Variants in SP100 observed in about 807,000 individuals in gnomAD.
The protein encoded by SP100 is SP100 nuclear body protein.
In SP100, 84 loss-of-function variants were observed where a neutral mutation model predicts 130.0. The ratio of observed to expected loss-of-function variants is 0.65; its 90% CI spans 0.54 to 0.77. The LOEUF (loss-of-function observed/expected upper bound fraction) is 0.77, where lower values mean the gene tolerates loss of function less well. SP100 is among the 30% of genes least tolerant of loss of function. The pLI is 0.00. For synonymous variants in SP100, 331 were observed against 351.7 expected (o/e 0.94, Z 0.66); for missense variants, 978 against 1,052.2 (o/e 0.93, Z 0.97).
intron 24 of SP100, among the ~76,000 whole-genome samples, chr2:230,536,304 T>G (rs1030233177): frequency 6.6e-6 from 1 of 152,176 alleles, no homozygotes; most frequent in African/African-American, 2.4e-5. Flanking sequence ...CCAGAAAGAT[T>G]GACAACCAGT....
intron 24 of SP100, among the ~76,000 whole-genome samples, chr2:230,533,076 C>T (rs886630643): frequency 3.3e-5 from 5 of 152,202 alleles, no homozygotes; most frequent in Non-Finnish European, 5.9e-5. Flanking sequence ...CCACCGTGCC[C>T]GGCCCTGATG....
At chr2:230,420,735 CAT>C (rs35528929) in intron 2 of SP100, among the ~76,000 whole-genome samples, 21 of 150,058 alleles carry the variant, frequency 1.4e-4, no homozygotes, top group Admixed American at 4.0e-4. Flanking sequence ...CAAAGTAAAA[CAT>C]ATATATATAT....
At chr2:230,516,425 T>G (rs1690918733) in intron 24 of SP100, 1 of 151,938 alleles carries the variant, frequency 6.6e-6, no homozygotes, top group Non-Finnish European at 1.5e-5. Flanking sequence ...TATAAGTAAC[T>G]TAAAAGAAAG....
At chr2:230,499,643 T>G (rs187370823) in intron 19 of SP100, among the ~76,000 whole-genome samples, 91 of 150,042 alleles carry the variant, frequency 6.1e-4, no homozygotes, top group African/African-American at 1.9e-3. Flanking sequence ...AAACACCCAG[T>G]ACAGCTCCCA....
intron 24 of SP100, among the ~76,000 whole-genome samples, chr2:230,521,702 T>A (rs978284050): frequency 7.2e-5 from 11 of 152,164 alleles, no homozygotes; most frequent in African/African-American, 2.7e-4. Context: ...ACAGTAAACA[T>A]GTTGCTTGTG....
intron 2 of SP100, among the ~76,000 whole-genome samples, chr2:230,433,978 C>A (rs2063173767): frequency 1.3e-5 from 2 of 150,222 alleles, no homozygotes; most frequent in South Asian, 2.2e-4. Flanking sequence ...TGTATTATTT[C>A]TTTTCTCTGA....
chr2:230,471,405 C>T (rs1479177), intron 15 of SP100, among the ~76,000 whole-genome samples: 35,618 of 152,128 alleles, frequency 0.23, 5,058 homozygotes, highest in Non-Finnish European at 0.33. Context: ...CTGGTTTCCT[C>T]GTCACTGTCT....
chr2:230,437,677 GC>G (rs576433680), intron 2 of SP100, among the ~76,000 whole-genome samples: 231 of 152,138 alleles, frequency 1.5e-3, no homozygotes, highest in African/African-American at 5.3e-3. Context: ...TCCTGCCTCA[GC>G]CTCCCGAGTA....
intron 19 of SP100, among the ~76,000 whole-genome samples, chr2:230,501,319 G>T (rs1017093153): frequency 6.6e-6 from 1 of 152,102 alleles, no homozygotes; most frequent in African/African-American, 2.4e-5. Context: ...TTTTATATGG[G>T]TTTAGTCATC....
intron 24 of SP100, among the ~76,000 whole-genome samples, chr2:230,536,648 T>A (rs1212659631): frequency 6.6e-6 from 1 of 152,164 alleles, no homozygotes; most frequent in Non-Finnish European, 1.5e-5. Flanking sequence ...CTTCCCTGAA[T>A]ATAGATACAT....
intron 24 of SP100, among the ~76,000 whole-genome samples, chr2:230,517,117 C>A (rs1575793995): frequency 6.6e-6 from 1 of 152,024 alleles, no homozygotes; most frequent in Non-Finnish European, 1.5e-5. Context: ...ATACAATTTA[C>A]CAAATCAGTC....
At chr2:230,484,799 G>A (rs183069245) in intron 17 of SP100, among the ~76,000 whole-genome samples, 10 of 152,120 alleles carry the variant, frequency 6.6e-5, no homozygotes, top group African/African-American at 2.4e-4. Context: ...CTTCCCTTGG[G>A]TTTTCCAGGT....
At chr2:230,435,128 G>C (rs76140934) in intron 2 of SP100, among the ~76,000 whole-genome samples, 2,751 of 152,288 alleles carry the variant, frequency 0.018, 42 homozygotes, top group Non-Finnish European at 0.031. Flanking sequence ...CTTACACCAG[G>C]GATGAGTAAG....
At chr2:230,505,500 C>T (rs930861412) in intron 21 of SP100, among the ~76,000 whole-genome samples, 3 of 152,214 alleles carry the variant, frequency 2.0e-5, no homozygotes, top group Admixed American at 6.5e-5. Flanking sequence ...TGCTCGGTCT[C>T]TCTAACCTTG....
chr2:230,517,620 C>T (rs2150092407), intron 24 of SP100, among the ~76,000 whole-genome samples: 1 of 152,136 alleles, frequency 6.6e-6, no homozygotes, highest in Non-Finnish European at 1.5e-5. Flanking sequence ...AAAAAATTAA[C>T]CAGGCATGGT....
At chr2:230,448,163 G>T (rs930942266) in intron 5 of SP100, among the ~76,000 whole-genome samples, 6 of 152,158 alleles carry the variant, frequency 3.9e-5, no homozygotes, top group African/African-American at 1.4e-4. Flanking sequence ...TGAGGATGTT[G>T]TTCAAGAGCA....
chr2:230,459,778 G>C (rs778553323), intron 8 of SP100, among the ~76,000 whole-genome samples: 2 of 152,182 alleles, frequency 1.3e-5, no homozygotes, highest in African/African-American at 4.8e-5. Context: ...ACAGTCTCCT[G>C]TCTGGCCCCC....
At chr2:230,530,115 T>C (rs377162307) in intron 24 of SP100, among the ~76,000 whole-genome samples, 1 of 152,190 alleles carries the variant, frequency 6.6e-6, no homozygotes, top group Non-Finnish European at 1.5e-5. Flanking sequence ...TGAGCCCACA[T>C]AGCCAGAACA....
At chr2:230,465,134 G>T (rs974606435) in intron 11 of SP100, among the ~76,000 whole-genome samples, 1 of 152,150 alleles carries the variant, frequency 6.6e-6, no homozygotes, top group Admixed American at 6.5e-5. Flanking sequence ...CACTCGGGAG[G>T]CTGAGGCCAA....
Sources: gnomAD v4.1 joint callset for allele counts (sites outside exome capture counted in the v4.1 genomes callset) on GRCh38, gnomAD v4.1.1 for gene constraint, MANE v1.5 for transcripts, NCBI Gene and HGNC (gene_info 2026-07-23, HGNC 2026-07-21) for gene names.